CLEC12A: variants seen among roughly 807,000 people sequenced by gnomAD.
The protein encoded by CLEC12A is C-type lectin protein CLL-1.
CLEC12A carries 22 observed loss-of-function variants against 26.5 expected under a neutral mutation model. That is an observed-to-expected ratio of 0.83 (90% CI 0.59 to 1.19). The LOEUF is 1.19. CLEC12A is among the 50% of genes most tolerant of loss of function. The probability of loss-of-function intolerance (pLI) is 0.00; values close to 1 mark genes in which losing one functional copy is unlikely to be tolerated. For missense variants in CLEC12A, 353 were observed against 315.6 expected (o/e 1.12, Z -0.90); for synonymous variants, 119 against 101.9 (o/e 1.17, Z -1.01).
chr12:9,965,482 T>C (rs1026007142), intron 1 of CLEC12A, among the ~76,000 whole-genome samples: 1 of 150,372 alleles, frequency 6.7e-6, no homozygotes, highest in Admixed American at 6.6e-5. Flanking sequence ...CTGATGGGTG[T>C]CAGGGTCAGT....
intron 4 of CLEC12A, chr12:9,993,105 A>G (rs908371597): frequency 8.9e-6 from 14 of 1,578,150 alleles, no homozygotes; most frequent in Middle Eastern, 4.6e-4. Context: ...ATTGTACAAT[A>G]AAGCCCTTAT....
At chr12:9,957,203 G>A (rs867478393) in intron 1 of CLEC12A, among the ~76,000 whole-genome samples, 1 of 152,092 alleles carries the variant, frequency 6.6e-6, no homozygotes, top group African/African-American at 2.4e-5. Flanking sequence ...TTTTAAAAAG[G>A]TGTGGGTAGG....
At chr12:9,964,294 AGAT>A (rs1863890135) in intron 1 of CLEC12A, among the ~76,000 whole-genome samples, 1 of 152,012 alleles carries the variant, frequency 6.6e-6, no homozygotes, top group Non-Finnish European at 1.5e-5. Flanking sequence ...AGGAGACAGG[AGAT>A]GTTGCCTAGT....
intron 1 of CLEC12A, among the ~76,000 whole-genome samples, chr12:9,954,369 C>A (rs1029149675): frequency 6.6e-6 from 1 of 152,024 alleles, no homozygotes; most frequent in Admixed American, 6.6e-5. Flanking sequence ...ATGGTGCATA[C>A]CTGTAGTCCC....
intron 1 of CLEC12A, among the ~76,000 whole-genome samples, chr12:9,961,270 C>G (rs1023054261): frequency 6.6e-6 from 1 of 152,158 alleles, no homozygotes; most frequent in South Asian, 2.1e-4. Flanking sequence ...GTGTTCGACA[C>G]GCACTTCCTG....
chr12:9,976,718 T>A (rs1375629253), intron 1 of CLEC12A, among the ~76,000 whole-genome samples: 1 of 152,188 alleles, frequency 6.6e-6, no homozygotes, highest in Non-Finnish European at 1.5e-5. Context: ...CAGGGTGGAA[T>A]GATATGGTTT....
intron 1 of CLEC12A, among the ~76,000 whole-genome samples, chr12:9,959,522 G>A (rs996232184): frequency 1.3e-5 from 2 of 151,668 alleles, no homozygotes; most frequent in African/African-American, 4.8e-5. Flanking sequence ...GTTGCTTTGA[G>A]TTTTAATGGT....
chr12:9,994,810 A>C (rs1457725533), intron 4 of CLEC12A, among the ~76,000 whole-genome samples: 5 of 149,184 alleles, frequency 3.4e-5, no homozygotes, highest in African/African-American at 5.0e-5. Context: ...AAAACACAAA[A>C]ACACACACAC....
chr12:9,962,493 G>T (rs912670041), intron 1 of CLEC12A, among the ~76,000 whole-genome samples: 7 of 152,134 alleles, frequency 4.6e-5, no homozygotes, highest in Non-Finnish European at 8.8e-5. Flanking sequence ...CAACAAGGCT[G>T]TTTATTTCAC....
chr12:9,983,694 T>A (rs1489947781), intron 5 of CLEC12A: 2 of 530,376 alleles, frequency 3.8e-6, no homozygotes, highest in South Asian at 2.7e-5. Flanking sequence ...CCCTGCATAC[T>A]CATCACATTG....
At chr12:10,004,043 G>A in the CLEC12A span, among the ~76,000 whole-genome samples, 41 of 152,284 alleles carry the variant, frequency 2.7e-4, no homozygotes, top group East Asian at 5.8e-4. Flanking sequence ...GGTATGTGAC[G>A]GGCATGTCTG....
rs1591821996 is a variant in CLEC12A, at chr12:9,971,426, A to G, written c.-171A>G. The G allele has an allele frequency of 2.4e-6, 3 of 1,275,380 alleles. No homozygotes were observed. Among genetic ancestry groups the G allele is most frequent in the East Asian group, 3.2e-5 (1 of 31,102 alleles). 79.0% of individuals were successfully genotyped at this position (1,275,380 alleles called of 1,614,324 possible). A position where few individuals can be genotyped will look rare whatever the true frequency, so the allele number is the denominator to read the frequency against. ...TGAGATTTGGCTCATTTGCAGACAT[A>G]TGGGTGATTGGTACAGTAGGTTTAT... On this transcript the variant is annotated 5_prime_UTR_variant, in exon 1 of 6. The change creates a new upstream start codon in the 5' untranslated region. Coordinates refer to ENST00000304361, the MANE Select transcript of CLEC12A (RefSeq NM_138337.6).
chr12:10,004,440 T>C, the CLEC12A span, among the ~76,000 whole-genome samples: 1 of 151,992 alleles, frequency 6.6e-6, no homozygotes, highest in Non-Finnish European at 1.5e-5. Flanking sequence ...GGGAAGGTGA[T>C]CTTCCTCTGG....
chr12:9,989,145 T>C (rs1864835744), downstream of CLEC12A, among the ~76,000 whole-genome samples: 1 of 140,734 alleles, frequency 7.1e-6, no homozygotes, highest in Non-Finnish European at 1.5e-5. Flanking sequence ...TTCTCACTCA[T>C]AGGTGGGAAT....
At chr12:9,999,738 A>G (rs1463240382), downstream of CLEC12A, among the ~76,000 whole-genome samples, 2 of 152,214 alleles carry the variant, frequency 1.3e-5, no homozygotes, top group Non-Finnish European at 2.9e-5. Context: ...GTATTGAAGG[A>G]AAACTATCAA....
At position 9,958,555 on chromosome 12, in the gene CLEC12A, G is replaced by C. The variant is rs144784401; in HGVS notation, c.10+7199G>C. 6.0e-3 allele frequency among the ~76,000 whole-genome samples: 920 copies of C among 152,330 alleles called. 41 individuals carry two copies. Among genetic ancestry groups the C allele is most frequent in the Admixed American group, 0.056 (861 of 15,306 alleles). On this transcript the variant is annotated intron_variant, in intron 1 of 6. Coordinates refer to the CLEC12A transcript ENST00000355690. Reference sequence around the variant, plus strand: ...TAACAACTGTTTCAGTACTGACTGAGTGGTTAAGTTAAATGTTAAAAGGTA... The same window carrying C: ...TAACAACTGTTTCAGTACTGACTGACTGGTTAAGTTAAATGTTAAAAGGTA...
intron 1 of CLEC12A, among the ~76,000 whole-genome samples, chr12:9,975,107 C>T (rs1864284845): frequency 6.6e-6 from 1 of 152,148 alleles, no homozygotes; most frequent in Admixed American, 6.5e-5. Context: ...GTCCATTAAA[C>T]CTCTTTTTAC....
chr12:9,969,133 A>G (rs1864042444), upstream of CLEC12A, among the ~76,000 whole-genome samples: 1 of 152,314 alleles, frequency 6.6e-6, no homozygotes, highest in Admixed American at 6.5e-5. Flanking sequence ...TTGGTTGGGT[A>G]CAAAAATAAA....
At chr12:9,993,426 A>G in intron 4 of CLEC12A, 1 of 734,488 alleles carries the variant, frequency 1.4e-6, no homozygotes, top group Non-Finnish European at 2.3e-6. Context: ...AACGATTCTC[A>G]TTGTTGAGAA....
Sources: allele counts gnomAD v4.1 joint callset (sites outside exome capture counted in the v4.1 genomes callset), GRCh38; gene constraint gnomAD v4.1.1; transcripts MANE v1.5; gene names NCBI Gene and HGNC (gene_info 2026-07-23, HGNC 2026-07-21).